Variants in CDYL2 observed in about 807,000 individuals in gnomAD.
CDYL2 encodes chromodomain Y-like protein 2.
In CDYL2, 23 loss-of-function variants were observed where a neutral mutation model predicts 49.4. The ratio of observed to expected loss-of-function variants is 0.47; its 90% confidence interval spans 0.34 to 0.66. The LOEUF (loss-of-function observed/expected upper bound fraction) is 0.66, where lower values mean the gene tolerates loss of function less well. Ranked by LOEUF, CDYL2 falls within the 30% of genes least tolerant of loss-of-function variation. CDYL2 has a pLI of 0.01. For synonymous variants in CDYL2, 360 were observed against 268.8 expected (o/e 1.34, Z -3.32); for missense variants, 678 against 656.4 (o/e 1.03, Z -0.36).
chr16:80,632,567 T>A (rs1219253315), intron 3 of CDYL2: 1 of 163,414 alleles, frequency 6.1e-6, no homozygotes, highest in Non-Finnish European at 1.4e-5. Context: ...TTATGGTATG[T>A]GAAATCAATC....
Position 80,684,460 on chromosome 16 carries a change from G to A in CDYL2, c.616+78C>T, listed in dbSNP as rs528976454. 1.6e-5 allele frequency: 21 copies of A among 1,351,260 alleles called. No homozygotes were observed. The African/African-American group carries it at 2.6e-4, about 17-fold the overall frequency. The allele number at this position is 1,351,260 out of a possible 1,614,324, so 83.7% of individuals were successfully genotyped here. The stretch of plus-strand genomic sequence containing the variant: ...ACGGGGATGGAGGTGGGGGTCTTAT[G>A]TATGTCCCTAGGCTACAGGCAGAGC... On this transcript the variant is annotated intron_variant, in intron 2 of 6. Transcript: ENST00000570137.
intron 1 of CDYL2, among the ~76,000 whole-genome samples, chr16:80,706,459 C>G (rs570456300): frequency 8.5e-5 from 13 of 152,178 alleles, no homozygotes; most frequent in Non-Finnish European, 1.9e-4. Context: ...TCTCTGAGCC[C>G]CACTTCTCCC....
At chr16:80,748,350 C>T (rs1410188999) in intron 1 of CDYL2, among the ~76,000 whole-genome samples, 1 of 148,186 alleles carries the variant, frequency 6.7e-6, no homozygotes, top group Non-Finnish European at 1.5e-5. Context: ...CACGGTGAAA[C>T]CCCATCTCTA....
chr16:80,636,572 T>C lies in CDYL2; in HGVS notation c.617-3336A>G, dbSNP rs563502457. On this transcript the variant is annotated intron_variant, in intron 2 of 6. Coordinates refer to ENST00000570137, the MANE Select transcript of CDYL2 (RefSeq NM_152342.4). Reference sequence around the variant, plus strand: ...AGGAAACAACAGGTGCTGGAGAGGATGTGGAGAAATAGGAAGCTTTTACAC... The same window carrying C: ...AGGAAACAACAGGTGCTGGAGAGGACGTGGAGAAATAGGAAGCTTTTACAC... 1.1e-4 allele frequency among the ~76,000 whole-genome samples: 17 copies of C among 152,294 alleles called. No individual in the cohort carries two copies. In the South Asian group the frequency reaches 3.3e-3, roughly 30 times the overall value.
chr16:80,755,931 T>C (rs908785878), intron 1 of CDYL2, among the ~76,000 whole-genome samples: 1 of 152,214 alleles, frequency 6.6e-6, no homozygotes, highest in Non-Finnish European at 1.5e-5. Flanking sequence ...AAATAAAGTC[T>C]ACTATACCCT....
chr16:80,787,388 C>G (rs1907472647), intron 1 of CDYL2, among the ~76,000 whole-genome samples: 1 of 152,192 alleles, frequency 6.6e-6, no homozygotes, highest in Non-Finnish European at 1.5e-5. Flanking sequence ...ATGGAAGAGA[C>G]TGCCCTTCAA....
intron 1 of CDYL2, among the ~76,000 whole-genome samples, chr16:80,768,460 T>C (rs1440030701): frequency 6.6e-6 from 1 of 152,208 alleles, no homozygotes; most frequent in African/African-American, 2.4e-5. Flanking sequence ...TTACTCACAG[T>C]TCTAGAGGCT....
At chr16:80,659,678 C>T (rs900267525) in intron 2 of CDYL2, among the ~76,000 whole-genome samples, 61 of 150,086 alleles carry the variant, frequency 4.1e-4, no homozygotes, top group African/African-American at 1.2e-3. Flanking sequence ...GTTAAAAAAA[C>T]TGGTTAATCA....
chr16:80,606,665 C>A (rs1906348878), intron 6 of CDYL2, among the ~76,000 whole-genome samples: 1 of 152,178 alleles, frequency 6.6e-6, no homozygotes. Flanking sequence ...ATATGGTTTG[C>A]CTGTGTCCCA....
chr16:80,712,639 G>A (rs1040488635), intron 1 of CDYL2, among the ~76,000 whole-genome samples: 2 of 152,156 alleles, frequency 1.3e-5, no homozygotes, highest in South Asian at 2.1e-4. Context: ...CGAGGTGCTT[G>A]GAAAGGAAAA....
chr16:80,680,985 G>A (rs947535732), intron 2 of CDYL2, among the ~76,000 whole-genome samples: 1 of 152,142 alleles, frequency 6.6e-6, no homozygotes, highest in African/African-American at 2.4e-5. Flanking sequence ...CAAGAGCAGT[G>A]TAGAACTGCT....
At chr16:80,714,025 C>G (rs978913294) in intron 1 of CDYL2, among the ~76,000 whole-genome samples, 1 of 152,182 alleles carries the variant, frequency 6.6e-6, no homozygotes, top group African/African-American at 2.4e-5. Flanking sequence ...GAAAGACAAG[C>G]CATTCCCACG....
At chr16:80,693,997 A>G (rs1252136969) in intron 1 of CDYL2, among the ~76,000 whole-genome samples, 2 of 152,198 alleles carry the variant, frequency 1.3e-5, no homozygotes, top group African/African-American at 4.8e-5. Context: ...GGACAAAATA[A>G]AGACAAAGTA....
At chr16:80,799,998 G>C (rs1907878183) in intron 1 of CDYL2, among the ~76,000 whole-genome samples, 1 of 152,192 alleles carries the variant, frequency 6.6e-6, no homozygotes, top group African/African-American at 2.4e-5. Context: ...CGTAAATAGA[G>C]GAATGACGTC....
At chr16:80,609,149 CT>C (rs1162646220) in intron 5 of CDYL2, among the ~76,000 whole-genome samples, 1 of 152,202 alleles carries the variant, frequency 6.6e-6, no homozygotes, top group Non-Finnish European at 1.5e-5. Context: ...AAATTTTCAG[CT>C]GTCATACAAG....
intron 1 of CDYL2, among the ~76,000 whole-genome samples, chr16:80,764,626 A>T (rs1413428065): frequency 1.3e-5 from 2 of 152,236 alleles, no homozygotes; most frequent in Non-Finnish European, 2.9e-5. Flanking sequence ...AGGTATGTTA[A>T]TAAACTGTCA....
intron 3 of CDYL2, among the ~76,000 whole-genome samples, chr16:80,624,382 A>C (rs1907214168): frequency 6.6e-6 from 1 of 152,234 alleles, no homozygotes; most frequent in African/African-American, 2.4e-5. Context: ...GTGGATTTGA[A>C]GTTCTGAGTT....
chr16:80,663,299 T>A (rs1419908051), intron 2 of CDYL2, among the ~76,000 whole-genome samples: 3 of 150,000 alleles, frequency 2.0e-5, no homozygotes, highest in Non-Finnish European at 4.5e-5. Context: ...GAGGGGAGAG[T>A]TAAATAAAAG....
rs1907652825 is a variant in CDYL2 at position 80,633,197 on chromosome 16, G to A, written c.656C>T (p.Pro219Leu). The A allele has an allele frequency of 1.9e-6, 3 of 1,614,150 alleles. No homozygotes were observed. The highest frequency in any genetic ancestry group is 2.5e-6 in the Non-Finnish European group (3 of 1,180,018). ...LTNGGLNLHSPVKRKLEAEKD... is the reference protein window; with the variant it reads ...LTNGGLNLHSLVKRKLEAEKD... Reference sequence around the variant, plus strand: ...CTCCGCTTCCAGCTTCCTCTTCACTGGACTGTGCAGGTTCAATCCCCCGTT... The same window carrying A: ...CTCCGCTTCCAGCTTCCTCTTCACTAGACTGTGCAGGTTCAATCCCCCGTT... The change falls in exon 3 of 7, where the codon CCA (proline) becomes CTA (leucine). Residue 219 changes from proline (P) to leucine (L), a missense_variant. Physicochemically the swap from Pro to Leu is moderately conservative, Grantham distance 98 (BLOSUM62 -3). Coordinates refer to ENST00000570137, the MANE Select transcript of CDYL2 (RefSeq NM_152342.4).
Sources: gnomAD v4.1 joint callset for allele counts (sites outside exome capture counted in the v4.1 genomes callset) on GRCh38, gnomAD v4.1.1 for gene constraint, MANE v1.5 for transcripts, NCBI Gene and HGNC (gene_info 2026-07-23, HGNC 2026-07-21) for gene names.